ARNT: variants seen among roughly 807,000 people sequenced by gnomAD.
ARNT encodes aryl hydrocarbon receptor nuclear translocator.
In ARNT, 30 loss-of-function variants were observed where a neutral mutation model predicts 105.0. The observed-to-expected ratio is 0.29, with a 90% CI of 0.21 to 0.39. ARNT has a LOEUF of 0.39. Among genes scored for constraint, ARNT ranks in the 10% least tolerant of loss-of-function variants. The pLI is 1.00. For missense variants in ARNT, 748 were observed against 978.7 expected (o/e 0.76, Z 3.15); for synonymous variants, 304 against 344.0 (o/e 0.88, Z 1.29).
chr1:150,832,286 C>G, intron 9 of ARNT, 48 bp downstream of exon 9: 1 of 1,588,406 alleles, frequency 6.3e-7, no homozygotes, highest in Non-Finnish European at 8.6e-7. Flanking sequence ...GTGATGATCT[C>G]TGCAGGTATT....
At chr1:150,860,863 A>C (rs1334670728) in intron 1 of ARNT, among the ~76,000 whole-genome samples, 1 of 152,134 alleles carries the variant, frequency 6.6e-6, no homozygotes, top group East Asian at 1.9e-4. Context: ...CCTCAAAAAA[A>C]TAAACAAATA....
intron 3 of ARNT, among the ~76,000 whole-genome samples, chr1:150,851,282 G>A (rs1249220636): frequency 6.8e-6 from 1 of 147,624 alleles, no homozygotes; most frequent in Non-Finnish European, 1.5e-5. Context: ...CCGGGAGGTG[G>A]GGGGCGCCTC....
In ARNT at chr1:150,813,183, C is replaced by T; in HGVS notation, c.2269G>A (p.Glu757Lys). The change falls in exon 21 of 22, where the codon GAG becomes AAG. Residue 757 changes from glutamate (E) to lysine (K), a missense_variant. Coordinates refer to ENST00000358595, the MANE Select transcript of ARNT (RefSeq NM_001668.4). ...TTTCACTCTCTTACCTGGAAGACCT[C>T]AGGCTGGCCAGGTTGCTGTGCTGGC... ...QPPAQQPGQP[E>K]VFQEMLSMLG... 1 of 1,613,212 alleles carries T rather than the reference C, an allele frequency of 6.2e-7. No homozygotes were observed. Among genetic ancestry groups the T allele is most frequent in the Non-Finnish European group, 8.5e-7 (1 of 1,179,640 alleles).
In ARNT at chr1:150,811,045, G is replaced by A; in HGVS notation, c.*976C>T. On this transcript the variant is annotated 3_prime_UTR_variant, in exon 22 of 22. Coordinates refer to ENST00000358595, the MANE Select transcript of ARNT (RefSeq NM_001668.4). ...CCTCTACAGAACACACATCATATGT[G>A]ATTCTGACAGAAAAATGCAGCATTA... 1 of 231,738 alleles carries A rather than the reference G, an allele frequency of 4.3e-6. No homozygotes were observed. Among genetic ancestry groups the A allele is most frequent in the Non-Finnish European group, 8.6e-6 (1 of 116,764 alleles). 14.4% of individuals were successfully genotyped at this position (231,738 alleles called of 1,614,324 possible).
In ARNT at chr1:150,875,893, C is replaced by G. The variant is rs1477243674; in HGVS notation, c.25+650G>C. On this transcript the variant is annotated intron_variant, in intron 1 of 21. Coordinates refer to ENST00000358595, the MANE Select transcript of ARNT (RefSeq NM_001668.4). ...CTAAAGACCTGTCCGGAACCATAACCATTACACAAACCCCTGCCCTCAGCA... is the reference window on the plus strand; with the variant it reads ...CTAAAGACCTGTCCGGAACCATAACGATTACACAAACCCCTGCCCTCAGCA... 2.0e-5 allele frequency among the ~76,000 whole-genome samples: 3 copies of G among 152,150 alleles called. No individual in the cohort carries two copies. The South Asian group carries it at 6.2e-4, about 32-fold the overall frequency.
Position 150,842,413 on chromosome 1 carries a change from T to C in ARNT, c.272+11A>G, listed in dbSNP as rs377744665. The C allele has an allele frequency of 4.8e-5, 77 of 1,611,678 alleles. No individual in the cohort carries two copies. In the Middle Eastern group the frequency reaches 1.5e-3, roughly 31 times the overall value. On this transcript the variant is annotated intron_variant, in intron 5 of 21. Transcript: ENST00000358595. ...TCTGCTTCATCATGCTAAAAGACAC[T>C]GTTCTCCTACCTGGCAAGTCTCTCT...
At chr1:150,866,111 T>C (rs1407894172) in intron 1 of ARNT, among the ~76,000 whole-genome samples, 3 of 151,874 alleles carry the variant, frequency 2.0e-5, no homozygotes, top group African/African-American at 7.3e-5. Context: ...GCCTCCCAAG[T>C]AGCTGGTACT....
chr1:150,820,994 A>G (rs186447516), intron 14 of ARNT, among the ~76,000 whole-genome samples: 202 of 152,360 alleles, frequency 1.3e-3, no homozygotes, highest in Non-Finnish European at 2.2e-3. Context: ...AGCCTTACCA[A>G]TAACATAAGC....
intron 1 of ARNT, among the ~76,000 whole-genome samples, chr1:150,867,573 G>A (rs1208147909): frequency 6.6e-6 from 1 of 152,116 alleles, no homozygotes; most frequent in Non-Finnish European, 1.5e-5. Context: ...ATATAGGAAA[G>A]TAGTTTATGT....
At chr1:150,813,425 G>A in intron 20 of ARNT, 87 bp from the exon 21 acceptor site, 1 of 1,365,506 alleles carries the variant, frequency 7.3e-7, no homozygotes, top group Non-Finnish European at 9.7e-7. Context: ...CTATAGGTAA[G>A]CCATTAATTT....
chr1:150,823,557 T>G (rs587698855), intron 13 of ARNT, among the ~76,000 whole-genome samples: 27 of 151,594 alleles, frequency 1.8e-4, no homozygotes, highest in African/African-American at 6.5e-4. Flanking sequence ...TTAAGCTTTT[T>G]TTTTTTTTTT....
chr1:150,857,473 T>C lies in ARNT; in HGVS notation c.137+876A>G, dbSNP rs141428110. Among the ~76,000 whole-genome samples the C allele has an allele frequency of 1.2e-4, 19 of 152,290 alleles. No homozygotes were observed. The East Asian group carries it at 3.3e-3, about 26-fold the overall frequency. ...AAAATCTGTAAAGCTACTGAACATA[T>C]AACAAGTCTTAATATGTTACTCATG... On this transcript the variant is annotated intron_variant, in intron 2 of 21. Coordinates refer to ENST00000358595, the MANE Select transcript of ARNT (RefSeq NM_001668.4).
At chr1:150,873,253 C>T (rs587763954) in intron 1 of ARNT, among the ~76,000 whole-genome samples, 119 of 151,350 alleles carry the variant, frequency 7.9e-4, no homozygotes, top group Non-Finnish European at 4.9e-4. Context: ...AGCACCACTG[C>T]ACTCCAGCCT....
At chr1:150,849,843 C>G (rs1662988037) in intron 3 of ARNT, among the ~76,000 whole-genome samples, 1 of 152,080 alleles carries the variant, frequency 6.6e-6, no homozygotes, top group Admixed American at 6.6e-5. Context: ...GGCAGGTGGA[C>G]CACTTAAGGC....
chr1:150,876,370 G>A (rs1309611846), intron 1 of ARNT, among the ~76,000 whole-genome samples, 173 bp downstream of exon 1: 1 of 151,606 alleles, frequency 6.6e-6, no homozygotes. Context: ...GTCTACCCAA[G>A]TCCCCGGGAT....
intron 1 of ARNT, among the ~76,000 whole-genome samples, chr1:150,861,575 C>T (rs1320472548): frequency 1.3e-5 from 2 of 151,988 alleles, no homozygotes; most frequent in Admixed American, 6.6e-5. Flanking sequence ...TTTAAAAGGC[C>T]GAGGGAGGAG....
chr1:150,823,521 T>A (rs1215353832), intron 13 of ARNT, among the ~76,000 whole-genome samples, 176 bp from the exon 14 acceptor site: 1 of 151,902 alleles, frequency 6.6e-6, no homozygotes, highest in Non-Finnish European at 1.5e-5. Context: ...CATGGAAGCA[T>A]ATTTCTCATG....
chr1:150,814,561 G>A (rs773125354), intron 19 of ARNT, among the ~76,000 whole-genome samples: 16 of 152,324 alleles, frequency 1.1e-4, no homozygotes, highest in South Asian at 4.1e-4. Flanking sequence ...CAGGCCAGGC[G>A]GGGTGGCTCA....
In ARNT at chr1:150,870,173, C is replaced by T. The variant is rs587631678; in HGVS notation, c.25+6370G>A. On this transcript the variant is annotated intron_variant, in intron 1 of 21. Transcript: ENST00000358595. ...CAAGTTACTTATTCACTCTCTGTGC[C>T]TTAGTTTCCTCATCTGTAAAACAAG... is the stretch of plus-strand genomic sequence containing the variant. Among the ~76,000 whole-genome samples the T allele has an allele frequency of 2.6e-5, 4 of 152,198 alleles. No individual in the cohort carries two copies. The East Asian group carries it at 7.7e-4, about 29-fold the overall frequency.
Sources: gnomAD v4.1 joint callset for allele counts (sites outside exome capture counted in the v4.1 genomes callset) on GRCh38, gnomAD v4.1.1 for gene constraint, MANE v1.5 for transcripts, NCBI Gene and HGNC (gene_info 2026-07-23, HGNC 2026-07-21) for gene names.